POMT1: variants seen among roughly 807,000 people sequenced by gnomAD.
The protein encoded by POMT1 is protein O-mannosyl-transferase 1.
Under a neutral mutation model 101.6 loss-of-function variants are expected in POMT1, and 85 were observed. The observed-to-expected ratio is 0.84, with a 90% CI of 0.70 to 1.00. POMT1 has a LOEUF of 1.00. Among genes scored for constraint, POMT1 ranks in the 50% least tolerant of loss-of-function variants. POMT1 has a pLI of 0.00. For missense variants in POMT1, 857 were observed against 930.4 expected, an observed-to-expected ratio of 0.92 and a Z score of 1.03; for synonymous variants, 371 against 383.0, an observed-to-expected ratio of 0.97 and a Z score of 0.37.
At chr9:131,514,032 C>T (rs1475777442) in intron 12 of POMT1, among the ~76,000 whole-genome samples, 1 of 152,220 alleles carries the variant, frequency 6.6e-6, no homozygotes, top group Non-Finnish European at 1.5e-5. Flanking sequence ...CTGGTTCTCC[C>T]TGGAAAGGGC....
At chr9:131,510,973 G>GAA in intron 9 of POMT1, 1 of 281,262 alleles carries the variant, frequency 3.6e-6, no homozygotes, top group Non-Finnish European at 6.8e-6. Context: ...GCCTGCCGAC[G>GAA]GCCAGTGCTG....
At chr9:131,504,045 C>T (rs1009553817) in intron 1 of POMT1, 144 bp from the exon 2 acceptor site, 1 of 926,078 alleles carries the variant, frequency 1.1e-6, no homozygotes, top group African/African-American at 1.6e-5. Context: ...TCTACCTGAA[C>T]CAAGGCTCCA....
Position 131,510,320 on chromosome 9 carries a change from C to G in POMT1, c.760C>G (p.Leu254Val), listed in dbSNP as rs773677641. The change falls in exon 9 of 20, where the codon CTG (leucine) becomes GTG (valine). Residue 254 changes from leucine to valine, a missense_variant. Leu to Val is a conservative substitution (Grantham distance 32). Transcript: ENST00000402686. The part of the protein sequence containing the change: ...AVALLVIPVV[L>V]YLLFFYVHLI... ...GGCTTTGCTGGTCATCCCGGTCGTC[C>G]TGTACTTACTGTTCTTCTACGTCCA... The G allele has an allele frequency of 1.2e-6, 2 of 1,614,226 alleles. No individual in the cohort carries two copies. Among genetic ancestry groups the G allele is most frequent in the South Asian group, 2.2e-5 (2 of 91,084 alleles).
chr9:131,506,296 C>T (rs1945800995), intron 3 of POMT1, 76 bp downstream of exon 3: 3 of 1,569,936 alleles, frequency 1.9e-6, no homozygotes, highest in Non-Finnish European at 1.8e-6. Context: ...GCATTTCTTA[C>T]AGGCAGAAAC....
intron 8 of POMT1, 95 bp downstream of exon 8, chr9:131,510,091 A>G: frequency 5.6e-6 from 9 of 1,613,978 alleles, no homozygotes; most frequent in Non-Finnish European, 7.6e-6. Context: ...CCAATCCTCA[A>G]TGTTTTAGAA....
At chr9:131,505,770 G>A (rs1260732274) in intron 2 of POMT1, among the ~76,000 whole-genome samples, 2 of 96,758 alleles carry the variant, frequency 2.1e-5, no homozygotes, top group South Asian at 6.5e-4. Context: ...GGGTGGGGGG[G>A]TTGGGTAGGT....
At chr9:131,510,655 A>G (rs552791985) in intron 9 of POMT1, 20 of 550,616 alleles carry the variant, frequency 3.6e-5, no homozygotes, top group Non-Finnish European at 6.5e-5. Context: ...AAGCACCTGC[A>G]ACCACACCCA....
intron 17 of POMT1, 65 bp from the exon 18 acceptor site, chr9:131,521,281 G>GTTCTC (rs377758599): frequency 3.1e-4 from 501 of 1,609,950 alleles, no homozygotes; most frequent in South Asian, 5.1e-4. Flanking sequence ...CCTTTCCTGT[G>GTTCTC]TTCTCTTCTC....
In POMT1 at chr9:131,521,530, G is replaced by A. The variant is rs192104491; in HGVS notation, c.1825+58G>A. On this transcript the variant is annotated intron_variant, in intron 18 of 19. Coordinates refer to ENST00000402686, the MANE Select transcript of POMT1 (RefSeq NM_001077365.2). ...TTTAATATAGACATGGGGTCTTGCTGTGTTGTCCAGGGTGTTCTTGAACTC... is the reference window on the plus strand; with the variant it reads ...TTTAATATAGACATGGGGTCTTGCTATGTTGTCCAGGGTGTTCTTGAACTC... The A allele has an allele frequency of 3.4e-4, 545 of 1,582,656 alleles. 2 individuals are homozygous for A. The African/African-American group carries it at 6.7e-3, about 20-fold the overall frequency.
chr9:131,522,869 G>A lies in POMT1; in HGVS notation c.2004-63G>A, dbSNP rs1275411032. The A allele has an allele frequency of 1.1e-5, 17 of 1,490,382 alleles. No homozygotes were observed. The highest frequency in any genetic ancestry group is 7.2e-5 in the South Asian group (6 of 83,388). The allele number at this position is 1,490,382 out of a possible 1,614,324, so 92.3% of individuals were successfully genotyped here. A position where few individuals can be genotyped will look rare whatever the true frequency, so the allele number is the denominator to read the frequency against. On this transcript the variant is annotated intron_variant, in intron 19 of 19. Coordinates refer to ENST00000402686, the MANE Select transcript of POMT1 (RefSeq NM_001077365.2). This position sits in a 1 kb window ranked among gnomAD's most constrained non-coding sequence, Gnocchi z 5.5. ...CCGTGTGGACAGCAGATGCCAAGAG[G>A]GTGCCGGGCAGGGAAGCCGCAGTGG...
At chr9:131,520,615 C>T (rs532875045) in intron 17 of POMT1, among the ~76,000 whole-genome samples, 16 of 152,328 alleles carry the variant, frequency 1.1e-4, no homozygotes, top group African/African-American at 3.4e-4. Context: ...AATGGGCAGA[C>T]GCTGGAAATG....
intron 13 of POMT1, among the ~76,000 whole-genome samples, chr9:131,516,044 C>G (rs1156248932): frequency 2.2e-5 from 3 of 136,716 alleles, no homozygotes; most frequent in Admixed American, 7.2e-5. Context: ...CTTCCTCACA[C>G]GGAGCACTTC....
chr9:131,506,062 TAC>T (rs1214502296), intron 2 of POMT1, 50 bp from the exon 3 acceptor site: 14 of 1,608,862 alleles, frequency 8.7e-6, no homozygotes, highest in Admixed American at 3.3e-5. Context: ...AGTTTTTGTT[TAC>T]AGTTAAGATT....
Position 131,522,750 on chromosome 9 carries a change from G to C in POMT1, c.2004-182G>C, listed in dbSNP as rs529709856. ...TGGAGGCCTGAGGAGTCATCAGGGG[G>C]CCCCTCTCAGTGCATCCAGGTGGGA... On this transcript the variant is annotated intron_variant, in intron 19 of 19. Coordinates refer to ENST00000402686, the MANE Select transcript of POMT1 (RefSeq NM_001077365.2). This position sits in a 1 kb window ranked among gnomAD's most constrained non-coding sequence, Gnocchi z 5.5. Among the ~76,000 whole-genome samples the C allele has an allele frequency of 6.6e-6, 1 of 152,140 alleles. No homozygotes were observed. The highest frequency in any genetic ancestry group is 2.4e-5 in the African/African-American group (1 of 41,418).
At chr9:131,516,381 A>ACACTTCCTCACACGGAG (rs1489847351) in intron 13 of POMT1, among the ~76,000 whole-genome samples, 1 of 140,170 alleles carries the variant, frequency 7.1e-6, no homozygotes, top group Admixed American at 6.9e-5. Context: ...CTCTAACAGA[A>ACACTTCCTCACACGGAG]CACTTCCTCA....
chr9:131,522,875 G>A lies in POMT1; in HGVS notation c.2004-57G>A, dbSNP rs920104653. On this transcript the variant is annotated intron_variant, in intron 19 of 19. Coordinates refer to ENST00000402686, the MANE Select transcript of POMT1 (RefSeq NM_001077365.2). The surrounding 1 kb of genome is among the most constrained non-coding windows in gnomAD (Gnocchi z 5.5). ...GGACAGCAGATGCCAAGAGGGTGCC[G>A]GGCAGGGAAGCCGCAGTGGTCAGCC... 24 of 1,509,608 alleles carry A rather than the reference G, an allele frequency of 1.6e-5. No individual in the cohort carries two copies. The highest frequency in any genetic ancestry group is 7.3e-5 in the East Asian group (3 of 41,268). The allele number at this position is 1,509,608 out of a possible 1,614,324, so 93.5% of individuals were successfully genotyped here.
At chr9:131,517,575 G>C (rs1473870769) in intron 13 of POMT1, among the ~76,000 whole-genome samples, 1 of 152,144 alleles carries the variant, frequency 6.6e-6, no homozygotes, top group Non-Finnish European at 1.5e-5. Context: ...CACTGCTCCA[G>C]ATTGGCTGTT....
Position 131,522,137 on chromosome 9 carries a change from T to C in POMT1, c.1916T>C (p.Leu639Pro). Reference protein sequence around the residue: ...YLPFFLMEKTLFLYHYLPALT... With the variant: ...YLPFFLMEKTPFLYHYLPALT... Reference sequence around the variant, plus strand: ...CCGTTCTTCCTGATGGAGAAGACACTCTTCCTCTACCACTACCTGCCCGCA... The same window carrying C: ...CCGTTCTTCCTGATGGAGAAGACACCCTTCCTCTACCACTACCTGCCCGCA... Residue 639 changes from leucine to proline, a missense_variant, in exon 19 of 20, where the codon CTC (leucine) becomes CCC (proline). Coordinates refer to ENST00000402686, the MANE Select transcript of POMT1 (RefSeq NM_001077365.2). This position sits in a 1 kb window ranked among gnomAD's most constrained non-coding sequence, Gnocchi z 5.5. 1.2e-6 allele frequency: 2 copies of C among 1,614,150 alleles called. No homozygotes were observed. Among genetic ancestry groups the C allele is most frequent in the Non-Finnish European group, 1.7e-6 (2 of 1,180,040 alleles).
Position 131,523,048 on chromosome 9 carries a change from A to G in POMT1, c.2120A>G (p.His707Arg). ...LTYGDKSLSP[H>R]ELKALRWKDS... Reference sequence around the variant, plus strand: ...TACGGGGACAAGTCACTCTCGCCACATGAACTCAAGGCCCTTCGCTGGAAA... The same window carrying G: ...TACGGGGACAAGTCACTCTCGCCACGTGAACTCAAGGCCCTTCGCTGGAAA... Residue 707 changes from histidine (H) to arginine (R), a missense_variant, in exon 20 of 20, where the codon CAT becomes CGT. Transcript: ENST00000402686. 3 of 1,611,570 alleles carry G rather than the reference A, an allele frequency of 1.9e-6. No homozygotes were observed. Among genetic ancestry groups the G allele is most frequent in the Non-Finnish European group, 1.7e-6 (2 of 1,179,882 alleles).
Sources: gnomAD v4.1 joint callset for allele counts (sites outside exome capture counted in the v4.1 genomes callset) on GRCh38, gnomAD v4.1.1 for gene constraint, Gnocchi (gnomAD v3.1) non-coding constraint, MANE v1.5 for transcripts, NCBI Gene and HGNC (gene_info 2026-07-23, HGNC 2026-07-21) for gene names.